MCTP1: variants seen among roughly 807,000 people sequenced by gnomAD.
The protein encoded by MCTP1 is multiple C2 and transmembrane domain-containing protein 1.
In MCTP1, 69 loss-of-function variants were observed where a neutral mutation model predicts 120.6. The ratio of observed to expected loss-of-function variants is 0.57; its 90% CI spans 0.47 to 0.70. The LOEUF (loss-of-function observed/expected upper bound fraction) is 0.70. MCTP1 is among the 30% of genes least tolerant of loss of function. The pLI is 0.00. For synonymous variants in MCTP1, 529 were observed against 493.1 expected, an observed-to-expected ratio of 1.07 and a Z score of -0.96; for missense variants, 1,203 against 1,248.8, an observed-to-expected ratio of 0.96 and a Z score of 0.55.
chr5:94,780,746 C>T, intron 18 of MCTP1, among the ~76,000 whole-genome samples: 1 of 152,138 alleles, frequency 6.6e-6, no homozygotes, highest in African/African-American at 2.4e-5. Context: ...CCCCTTTGTC[C>T]AAGGCACATA....
intron 1 of MCTP1, among the ~76,000 whole-genome samples, chr5:95,116,294 T>C (rs1757820968): frequency 8.4e-6 from 1 of 119,084 alleles, no homozygotes; most frequent in Admixed American, 8.9e-5. Context: ...AAACTAGTTA[T>C]CTGAAGTAGA....
At chr5:95,218,373 A>C (rs1753276167) in intron 1 of MCTP1, among the ~76,000 whole-genome samples, 1 of 152,182 alleles carries the variant, frequency 6.6e-6, no homozygotes, top group South Asian at 2.1e-4. Flanking sequence ...GAGTGAGGCT[A>C]TTTGATCCTT....
intron 1 of MCTP1, among the ~76,000 whole-genome samples, chr5:95,136,325 T>TC (rs1759441497): frequency 6.6e-6 from 1 of 152,230 alleles, no homozygotes; most frequent in Admixed American, 6.5e-5. Context: ...ATTCTTGTTA[T>TC]CCTTTGGGCT....
chr5:95,090,148 G>A (rs1434434867), intron 1 of MCTP1, among the ~76,000 whole-genome samples: 4 of 152,060 alleles, frequency 2.6e-5, no homozygotes, highest in South Asian at 4.2e-4. Context: ...TTTTAAAATC[G>A]GACAACCTAG....
intron 1 of MCTP1, among the ~76,000 whole-genome samples, chr5:95,185,420 T>TTA (rs1554221894): frequency 2.0e-5 from 3 of 152,152 alleles, no homozygotes; most frequent in Non-Finnish European, 4.4e-5. Flanking sequence ...AGGTTAGAGA[T>TTA]GAGAAATCAT....
intron 1 of MCTP1, among the ~76,000 whole-genome samples, chr5:95,134,146 T>C (rs1759261966): frequency 6.6e-6 from 1 of 152,238 alleles, no homozygotes; most frequent in South Asian, 2.1e-4. Flanking sequence ...TAGGTGAGAT[T>C]GGAAACAATG....
intron 7 of MCTP1, among the ~76,000 whole-genome samples, chr5:94,919,918 A>G (rs1811105791): frequency 6.6e-6 from 1 of 152,226 alleles, no homozygotes; most frequent in Non-Finnish European, 1.5e-5. Flanking sequence ...CTCATCTTAT[A>G]ATAAAGCTTT....
chr5:94,990,495 G>T (rs962544303), intron 2 of MCTP1, among the ~76,000 whole-genome samples: 5 of 152,112 alleles, frequency 3.3e-5, no homozygotes, highest in African/African-American at 1.2e-4. Flanking sequence ...TCACAGCCTG[G>T]ATGTTTGCCT....
intron 22 of MCTP1, chr5:94,708,251 C>T (rs1326537155): frequency 3.8e-6 from 1 of 260,396 alleles, no homozygotes; most frequent in Non-Finnish European, 7.3e-6. Context: ...CAAACTCCAG[C>T]TGAACTAACT....
In MCTP1 at chr5:95,284,561, A is replaced by T; in HGVS notation, c.15T>A (p.Ala5=). Residue 5 remains alanine (A), a synonymous_variant, in exon 1 of 23, where the codon GCT becomes GCA. Coordinates refer to ENST00000515393, the MANE Select transcript of MCTP1 (RefSeq NM_024717.7). The surrounding 1 kb of genome is among the most constrained non-coding windows in gnomAD (Gnocchi z 5.2). ...GCGGCTCTGGCTCGCCCGCCGCGGCAGCCCGGGGCTCCATCCTCCACCCCC... is the reference window on the plus strand; with the variant it reads ...GCGGCTCTGGCTCGCCCGCCGCGGCTGCCCGGGGCTCCATCCTCCACCCCC... The part of the protein sequence containing the change: MEPR[A]AAAGEPEPPA... The T allele has an allele frequency of 6.9e-7, 1 of 1,440,224 alleles. No individual in the cohort carries two copies. The highest frequency in any genetic ancestry group is 9.0e-7 in the Non-Finnish European group (1 of 1,109,914). The allele number at this position is 1,440,224 out of a possible 1,614,324, so 89.2% of individuals were successfully genotyped here.
Position 94,908,945 on chromosome 5 carries a change from T to A in MCTP1, c.1652+306A>T, listed in dbSNP as rs153071. ...TAGATCACTTTACAGACTATGAATA[T>A]GGTCTTTGTTCCTTTATGTATCTTA... On this transcript the variant is annotated intron_variant, in intron 10 of 22. Coordinates refer to ENST00000515393, the MANE Select transcript of MCTP1 (RefSeq NM_024717.7). 4.2e-3 allele frequency among the ~76,000 whole-genome samples: 636 copies of A among 152,184 alleles called. 10 individuals are homozygous for A. In the East Asian group the frequency reaches 0.053, roughly 13 times the overall value.
chr5:95,189,454 C>T (rs1281640689), intron 1 of MCTP1, among the ~76,000 whole-genome samples: 1 of 152,176 alleles, frequency 6.6e-6, no homozygotes, highest in Non-Finnish European at 1.5e-5. Context: ...TATACCTCAA[C>T]AACTCAACAA....
At chr5:95,066,072 A>C (rs967830230) in intron 1 of MCTP1, among the ~76,000 whole-genome samples, 1 of 152,238 alleles carries the variant, frequency 6.6e-6, no homozygotes, top group African/African-American at 2.4e-5. Context: ...TGAACAATCT[A>C]CTGAACGGGA....
intron 17 of MCTP1, chr5:94,867,444 T>C (rs1797040091): frequency 3.2e-6 from 3 of 939,278 alleles, no homozygotes; most frequent in East Asian, 2.6e-5. Flanking sequence ...TGAATGGTAA[T>C]ACTAAAATGT....
intron 1 of MCTP1, among the ~76,000 whole-genome samples, chr5:95,131,950 T>C (rs1197233666): frequency 6.6e-6 from 1 of 152,222 alleles, no homozygotes; most frequent in Non-Finnish European, 1.5e-5. Context: ...CAAAAATATT[T>C]AGACTCTTTA....
chr5:95,264,703 G>A (rs1758742915), intron 1 of MCTP1, among the ~76,000 whole-genome samples: 1 of 152,206 alleles, frequency 6.6e-6, no homozygotes, highest in Non-Finnish European at 1.5e-5. Context: ...CCTGGCCACA[G>A]TGGACAGAGT....
chr5:95,044,068 T>C (rs1842778024), intron 1 of MCTP1, among the ~76,000 whole-genome samples: 2 of 152,190 alleles, frequency 1.3e-5, no homozygotes, highest in Admixed American at 6.5e-5. Flanking sequence ...TTCCTATCCT[T>C]CTCTGCACAT....
rs61185942 is a variant in MCTP1, at chr5:95,284,600, CCCTCCTCCTCCTCCT to C, written c.-40_-26del. ...TCCTCCACCCCCTGCTCCTCCTCTC[CCCTCCTCCTCCTCCT>C]CCTCCTCCTGCTTCTCCTCCCTCTT... On this transcript the variant is annotated 5_prime_UTR_variant, in exon 1 of 23. Coordinates refer to ENST00000515393, the MANE Select transcript of MCTP1 (RefSeq NM_024717.7). The surrounding 1 kb of genome is among the most constrained non-coding windows in gnomAD (Gnocchi z 5.2). 37 of 1,372,336 alleles carry C rather than the reference CCCTCCTCCTCCTCCT, an allele frequency of 2.7e-5. No homozygotes were observed. Among genetic ancestry groups the C allele is most frequent in the Non-Finnish European group, 3.4e-5 (36 of 1,064,396 alleles). 85.0% of individuals were successfully genotyped at this position (1,372,336 alleles called of 1,614,324 possible).
chr5:95,080,168 T>G (rs2152312980), intron 1 of MCTP1, among the ~76,000 whole-genome samples: 1 of 152,290 alleles, frequency 6.6e-6, no homozygotes, highest in Middle Eastern at 3.4e-3. Context: ...AGATACAAAA[T>G]CTACCCCTGT....
Sources: allele counts gnomAD v4.1 joint callset (sites outside exome capture counted in the v4.1 genomes callset), GRCh38; gene constraint gnomAD v4.1.1; non-coding constraint Gnocchi (gnomAD v3.1); transcripts MANE v1.5; gene names NCBI Gene and HGNC (gene_info 2026-07-23, HGNC 2026-07-21).